Variants in KYAT1 observed in about 807,000 individuals in gnomAD.
The protein encoded by KYAT1 is kynurenine aminotransferase 1.
Under a neutral mutation model 52.4 loss-of-function variants are expected in KYAT1, and 47 were observed. That is an observed-to-expected ratio of 0.90 (90% CI 0.71 to 1.14). The LOEUF (loss-of-function observed/expected upper bound fraction) is 1.14, where lower values mean the gene tolerates loss of function less well. Among genes scored for constraint, KYAT1 ranks in the 50% most tolerant of loss-of-function variants. The pLI is 0.00. For missense variants in KYAT1, 480 were observed against 557.9 expected, an observed-to-expected ratio of 0.86 and a Z score of 1.41; for synonymous variants, 212 against 209.6, an observed-to-expected ratio of 1.01 and a Z score of -0.10.
At chr9:128,844,936 C>A (rs981630200) in intron 2 of KYAT1, among the ~76,000 whole-genome samples, 2 of 152,170 alleles carry the variant, frequency 1.3e-5, no homozygotes, top group Non-Finnish European at 2.9e-5. Flanking sequence ...TGGTGAAGAG[C>A]TGACTGTATC....
At chr9:128,869,737 T>C (rs1156774837) in intron 1 of KYAT1, among the ~76,000 whole-genome samples, 1 of 151,636 alleles carries the variant, frequency 6.6e-6, no homozygotes, top group Non-Finnish European at 1.5e-5. Flanking sequence ...CCCAGCCTGA[T>C]CACATTCTTG....
intron 11 of KYAT1, 95 bp downstream of exon 11, chr9:128,835,227 AC>A: frequency 1.1e-6 from 1 of 950,116 alleles, no homozygotes; most frequent in South Asian, 1.3e-5. Flanking sequence ...CAGAGGCTGG[AC>A]TAAGATCTAG....
chr9:128,836,938 G>A lies in KYAT1; in HGVS notation c.568-16C>T, dbSNP rs1369445707. 1.9e-6 allele frequency: 3 copies of A among 1,608,592 alleles called. No homozygotes were observed. In the Admixed American group the frequency reaches 5.0e-5, roughly 27 times the overall value. On this transcript the variant is annotated splice_polypyrimidine_tract_variant and intron_variant, in intron 6 of 12. Transcript: ENST00000302586. ...TGGAGAACACCTGCAGATGCCCAAG[G>A]AGAGCACAGACCTGCAGCTGGGACC...
At position 128,836,859 on chromosome 9, in the gene KYAT1, T is replaced by A; in HGVS notation, c.631A>T (p.Ile211Phe). The change falls in exon 7 of 13, where the codon ATC (isoleucine) becomes TTC (phenylalanine). Residue 211 changes from isoleucine (I) to phenylalanine (F), a missense_variant. By Grantham distance (21) the Ile-to-Phe change is conservative (BLOSUM62 0). Coordinates refer to ENST00000302586, the MANE Select transcript of KYAT1 (RefSeq NM_004059.5). ...SLCQQHDVVC[I>F]TDEVYQWMVY... is the part of the protein sequence containing the mutation. ...ATCCACTGGTAGACTTCATCAGTGA[T>A]ACACACCACGTCATGCTGCTGGCAA... 1 of 1,613,938 alleles carries A rather than the reference T, an allele frequency of 6.2e-7. No homozygotes were observed.
intron 1 of KYAT1, among the ~76,000 whole-genome samples, chr9:128,868,122 T>C (rs1020576360): frequency 1.3e-4 from 20 of 151,536 alleles, no homozygotes; most frequent in Admixed American, 1.1e-3. Context: ...AAGACAGACA[T>C]AGACCCATGG....
At chr9:128,847,290 A>G in intron 1 of KYAT1, 1 of 598,888 alleles carries the variant, frequency 1.7e-6, no homozygotes, top group Non-Finnish European at 2.9e-6. Flanking sequence ...AGCAGGGGCA[A>G]GGGAGAAGCC....
intron 1 of KYAT1, among the ~76,000 whole-genome samples, chr9:128,872,251 T>C (rs887499584): frequency 1.3e-5 from 2 of 150,096 alleles, no homozygotes; most frequent in African/African-American, 4.9e-5. Context: ...GAGACCATCC[T>C]GGCTAACACG....
chr9:128,872,989 T>C lies in KYAT1; in HGVS notation c.-7+8908A>G, dbSNP rs549465187. Reference sequence around the variant, plus strand: ...TACTTCGGAGGCTGAGGCAGGAGAATTGCTTGAACCCGGGAGGCAAAGATT... The same window carrying C: ...TACTTCGGAGGCTGAGGCAGGAGAACTGCTTGAACCCGGGAGGCAAAGATT... On this transcript the variant is annotated intron_variant, in intron 1 of 12. Coordinates refer to ENST00000302586, the MANE Select transcript of KYAT1 (RefSeq NM_004059.5). Among the ~76,000 whole-genome samples, 3 of 145,164 alleles carry C rather than the reference T, an allele frequency of 2.1e-5. No individual in the cohort carries two copies. In the East Asian group the frequency reaches 6.2e-4, roughly 30 times the overall value.
rs190677222 is a variant in KYAT1 at position 128,841,154 on chromosome 9, G to A, written c.201+1500C>T. Among the ~76,000 whole-genome samples, 14 of 151,952 alleles carry A rather than the reference G, an allele frequency of 9.2e-5. No individual in the cohort carries two copies. In the East Asian group the frequency reaches 1.4e-3, roughly 15 times the overall value. On this transcript the variant is annotated intron_variant, in intron 3 of 12. Coordinates refer to ENST00000302586, the MANE Select transcript of KYAT1 (RefSeq NM_004059.5). Reference sequence around the variant, plus strand: ...TGGGAGGCTGAGGTGGGTGGATCACGAGGTCAAGAGATCGAGACCAACCGG... The same window carrying A: ...TGGGAGGCTGAGGTGGGTGGATCACAAGGTCAAGAGATCGAGACCAACCGG...
chr9:128,874,115 G>A (rs1324192356), intron 1 of KYAT1, among the ~76,000 whole-genome samples: 2 of 151,538 alleles, frequency 1.3e-5, no homozygotes, highest in Non-Finnish European at 2.9e-5. Context: ...AATTAGCCAG[G>A]CGTGGTGGCG....
intron 8 of KYAT1, 27 bp from the exon 9 acceptor site, chr9:128,835,895 G>A (rs1287820251): frequency 1.2e-6 from 2 of 1,612,098 alleles, no homozygotes; most frequent in Admixed American, 3.3e-5. Context: ...GGTAGGGGGA[G>A]AGGTCCTTCC....
At chr9:128,878,539 A>G (rs529633555) in intron 1 of KYAT1, among the ~76,000 whole-genome samples, 9 of 152,048 alleles carry the variant, frequency 5.9e-5, no homozygotes, top group Non-Finnish European at 4.4e-5. Context: ...TTTTTGATAG[A>G]AAAAAAACAG....
chr9:128,858,446 A>T (rs7027285), intron 1 of KYAT1, among the ~76,000 whole-genome samples: 1 of 138,224 alleles, frequency 7.2e-6, no homozygotes, highest in African/African-American at 2.7e-5. Context: ...ACCTGTAATC[A>T]CAGCACTTTG....
chr9:128,872,783 A>G (rs1355441768), intron 1 of KYAT1, among the ~76,000 whole-genome samples: 1 of 146,324 alleles, frequency 6.8e-6, no homozygotes, highest in Non-Finnish European at 1.5e-5. Context: ...AAAAAAAAAG[A>G]CCATGTTGGC....
chr9:128,881,973 C>G (rs1179573939), upstream of KYAT1: 1 of 152,306 alleles, frequency 6.6e-6, no homozygotes, highest in African/African-American at 2.4e-5. Context: ...TTTAAGGGGG[C>G]CGAGCCCGGC....
chr9:128,866,194 C>A (rs959791260), intron 1 of KYAT1, among the ~76,000 whole-genome samples: 6 of 152,088 alleles, frequency 3.9e-5, no homozygotes, highest in Non-Finnish European at 1.5e-5. Context: ...AGTAACTGGG[C>A]CATTTTAATA....
chr9:128,840,490 A>G, intron 3 of KYAT1: 1 of 351,438 alleles, frequency 2.8e-6, no homozygotes, highest in Non-Finnish European at 5.4e-6. Context: ...ACCTCAGGTG[A>G]TCTGCCAGCC....
chr9:128,848,647 G>A (rs978152402), intron 1 of KYAT1, among the ~76,000 whole-genome samples: 3 of 151,268 alleles, frequency 2.0e-5, no homozygotes, highest in South Asian at 4.2e-4. Context: ...CTAAAACCTC[G>A]TCTCTACTAA....
chr9:128,848,440 T>TG (rs1833441330), intron 1 of KYAT1, among the ~76,000 whole-genome samples: 2 of 152,014 alleles, frequency 1.3e-5, no homozygotes, highest in African/African-American at 4.8e-5. Context: ...TGATACTGCT[T>TG]AAAGATAGAT....
Sources: allele counts gnomAD v4.1 joint callset (sites outside exome capture counted in the v4.1 genomes callset), GRCh38; gene constraint gnomAD v4.1.1; transcripts MANE v1.5; gene names NCBI Gene and HGNC (gene_info 2026-07-23, HGNC 2026-07-21).